Variants in DCP2 observed in about 807,000 individuals in gnomAD.
DCP2 encodes decapping mRNA 2, also known as m7GpppN-mRNA hydrolase.
Under a neutral mutation model 56.1 loss-of-function variants are expected in DCP2, and 30 were observed. The ratio of observed to expected loss-of-function variants is 0.53; its 90% CI spans 0.40 to 0.73. The LOEUF (loss-of-function observed/expected upper bound fraction) is 0.73, where lower values mean the gene tolerates loss of function less well. DCP2 is among the 30% of genes least tolerant of loss of function. The pLI is 0.00. For synonymous variants in DCP2, 197 were observed against 163.3 expected, an observed-to-expected ratio of 1.21 and a Z score of -1.57; for missense variants, 533 against 502.7, an observed-to-expected ratio of 1.06 and a Z score of -0.58.
intron 9 of DCP2, among the ~76,000 whole-genome samples, chr5:113,008,681 G>GT (rs1167417508): frequency 6.6e-6 from 1 of 151,964 alleles, no homozygotes; most frequent in East Asian, 1.9e-4. Flanking sequence ...AATTCCCTGG[G>GT]TATTTACTTA....
intron 10 of DCP2, 93 bp from the exon 11 acceptor site, chr5:113,013,228 A>G: frequency 7.4e-7 from 1 of 1,354,238 alleles, no homozygotes; most frequent in Non-Finnish European, 1.0e-6. Flanking sequence ...ATATATACTC[A>G]AAACTAATTG....
At chr5:112,977,440 A>C (rs977600314) in intron 1 of DCP2, among the ~76,000 whole-genome samples, 1 of 152,162 alleles carries the variant, frequency 6.6e-6, no homozygotes, top group Non-Finnish European at 1.5e-5. Flanking sequence ...GATCCCAGGT[A>C]CGCGGACCTG....
chr5:113,019,080 A>G lies in DCP2; in HGVS notation c.*5596A>G, dbSNP rs1397128220. 1 of 152,198 alleles carries G rather than the reference A, an allele frequency of 6.6e-6. No homozygotes were observed. The highest frequency in any genetic ancestry group is 2.4e-5 in the African/African-American group (1 of 41,446). 9.4% of individuals were successfully genotyped at this position (152,198 alleles called of 1,614,324 possible). On this transcript the variant is annotated 3_prime_UTR_variant, in exon 11 of 11. Transcript: ENST00000389063. ...CATCCTTAGTATAGTGGAATTTCTGAGGTCAAATTTAACATTTAATATATT... is the reference window on the plus strand; with the variant it reads ...CATCCTTAGTATAGTGGAATTTCTGGGGTCAAATTTAACATTTAATATATT...
At position 113,019,430 on chromosome 5, in the gene DCP2, C is replaced by T. The variant is rs1031300980; in HGVS notation, c.*5946C>T. On this transcript the variant is annotated 3_prime_UTR_variant, in exon 11 of 11. Transcript: ENST00000389063. ...GCTAAGAGTTTCTTTGTGCATTTCACTACTGTTCTAGGGGACTGCTGTCTC... is the reference window on the plus strand; with the variant it reads ...GCTAAGAGTTTCTTTGTGCATTTCATTACTGTTCTAGGGGACTGCTGTCTC... The T allele has an allele frequency of 6.6e-6, 1 of 152,190 alleles. No homozygotes were observed. The highest frequency in any genetic ancestry group is 6.5e-5 in the Admixed American group (1 of 15,278). 9.4% of individuals were successfully genotyped at this position (152,190 alleles called of 1,614,324 possible). A position where few individuals can be genotyped will look rare whatever the true frequency, so the allele number is the denominator to read the frequency against.
At chr5:113,007,869 A>AT in intron 8 of DCP2, 69 bp from the exon 9 acceptor site, 1 of 1,364,256 alleles carries the variant, frequency 7.3e-7, no homozygotes. Context: ...AAACATATTC[A>AT]TGGGGTATTT....
At chr5:112,978,458 T>C (rs1260551729) in intron 1 of DCP2, among the ~76,000 whole-genome samples, 1 of 152,226 alleles carries the variant, frequency 6.6e-6, no homozygotes, top group East Asian at 1.9e-4. Flanking sequence ...ATTTCACACC[T>C]ATTCCTTTTT....
chr5:113,007,919 T>C lies in DCP2; in HGVS notation c.943-19T>C, dbSNP rs1749514899. 6 of 1,598,666 alleles carry C rather than the reference T, an allele frequency of 3.8e-6. No homozygotes were observed. The highest frequency in any genetic ancestry group is 5.1e-6 in the Non-Finnish European group (6 of 1,166,948). ...CATTATGCTATAGATTCATATTATATTTCTTTTTGGGAAAACAGAATCAAA... is the reference window on the plus strand; with the variant it reads ...CATTATGCTATAGATTCATATTATACTTCTTTTTGGGAAAACAGAATCAAA... On this transcript the variant is annotated intron_variant, in intron 8 of 10. Transcript: ENST00000389063.
intron 1 of DCP2, among the ~76,000 whole-genome samples, chr5:112,977,410 G>C (rs1245467516): frequency 6.6e-6 from 1 of 152,104 alleles, no homozygotes; most frequent in Non-Finnish European, 1.5e-5. Context: ...AGACCCCCAG[G>C]GTAGTAATTT....
rs535491722 is a variant in DCP2 at position 113,019,397 on chromosome 5, G to C, written c.*5913G>C. ...TACGCACTGACAGAAAAGCACAGAA[G>C]ACATACTGCTAAGAGTTTCTTTGTG... On this transcript the variant is annotated 3_prime_UTR_variant, in exon 11 of 11. Coordinates refer to ENST00000389063, the MANE Select transcript of DCP2 (RefSeq NM_152624.6). 2.5e-4 allele frequency: 38 copies of C among 152,292 alleles called. No homozygotes were observed. Among genetic ancestry groups the C allele is most frequent in the African/African-American group, 9.1e-4 (38 of 41,558 alleles). 9.4% of individuals were successfully genotyped at this position (152,292 alleles called of 1,614,324 possible).
intron 9 of DCP2, among the ~76,000 whole-genome samples, chr5:113,009,328 CAGAG>C (rs971770018): frequency 1.3e-5 from 2 of 152,060 alleles, no homozygotes; most frequent in East Asian, 1.9e-4. Context: ...AAGTTAATGA[CAGAG>C]AGCAAGTATA....
chr5:112,991,794 A>G (rs1273449735), intron 2 of DCP2, among the ~76,000 whole-genome samples: 4 of 152,200 alleles, frequency 2.6e-5, no homozygotes, highest in Non-Finnish European at 4.4e-5. Context: ...AGGTGTTTAC[A>G]TGGTCCAGAA....
chr5:112,977,697 C>T (rs1205455038), intron 1 of DCP2, among the ~76,000 whole-genome samples: 1 of 152,094 alleles, frequency 6.6e-6, no homozygotes, highest in Admixed American at 6.6e-5. Context: ...TGCATTCTTC[C>T]CCCTTGTCAA....
At chr5:112,993,919 G>A (rs1302061426) in intron 4 of DCP2, among the ~76,000 whole-genome samples, 1 of 151,336 alleles carries the variant, frequency 6.6e-6, no homozygotes, top group Admixed American at 6.6e-5. Flanking sequence ...GTAGGATCTC[G>A]CTTTGTTGTC....
chr5:113,013,128 A>G (rs1234503303), intron 10 of DCP2, among the ~76,000 whole-genome samples, 193 bp from the exon 11 acceptor site: 5 of 152,214 alleles, frequency 3.3e-5, no homozygotes, highest in Non-Finnish European at 7.3e-5. Flanking sequence ...GGAAATAATA[A>G]TAGATTGAAA....
chr5:112,983,237 G>C (rs1156437581), intron 1 of DCP2, among the ~76,000 whole-genome samples: 1 of 152,136 alleles, frequency 6.6e-6, no homozygotes, highest in African/African-American at 2.4e-5. Flanking sequence ...TAGACTACTT[G>C]GTTCTGAAAG....
rs1355208723 is a variant in DCP2 at position 113,017,456 on chromosome 5, T to C, written c.*3972T>C. The stretch of plus-strand genomic sequence containing the variant: ...TTATGTCCTAAGACTTGAAAGTGCA[T>C]TTGTCTAGTTGCCAAAAGTTCTAAA... On this transcript the variant is annotated 3_prime_UTR_variant, in exon 11 of 11. Transcript: ENST00000389063. 2 of 152,190 alleles carry C rather than the reference T, an allele frequency of 1.3e-5. No individual in the cohort carries two copies. Among genetic ancestry groups the C allele is most frequent in the African/African-American group, 2.4e-5 (1 of 41,440 alleles). 9.4% of individuals were successfully genotyped at this position (152,190 alleles called of 1,614,324 possible).
intron 4 of DCP2, among the ~76,000 whole-genome samples, chr5:112,996,421 C>A (rs545962299): frequency 3.1e-4 from 47 of 151,990 alleles, no homozygotes; most frequent in South Asian, 6.2e-4. Flanking sequence ...TTTTTTCTTG[C>A]ATTTAAGTTA....
intron 8 of DCP2, 88 bp downstream of exon 8, chr5:113,004,165 T>G (rs1749307742): frequency 1.1e-5 from 16 of 1,446,534 alleles, no homozygotes; most frequent in Non-Finnish European, 1.4e-5. Context: ...ATCTTAATAG[T>G]TACAGAGAGC....
intron 4 of DCP2, among the ~76,000 whole-genome samples, chr5:112,999,831 C>T (rs1749056174): frequency 2.0e-5 from 3 of 151,148 alleles, no homozygotes; most frequent in Admixed American, 6.6e-5. Context: ...GAGGCCAAGG[C>T]GGGTGGATCA....
Sources: allele counts gnomAD v4.1 joint callset (sites outside exome capture counted in the v4.1 genomes callset), GRCh38; gene constraint gnomAD v4.1.1; transcripts MANE v1.5; gene names NCBI Gene and HGNC (gene_info 2026-07-23, HGNC 2026-07-21).